Variants in LPIN2 observed in about 807,000 individuals in gnomAD.
LPIN2 encodes the protein lipin 2, also known as phosphatidate phosphatase LPIN2.
Under a neutral mutation model 111.4 loss-of-function variants are expected in LPIN2, and 55 were observed. That is an observed-to-expected ratio of 0.49 (90% CI 0.40 to 0.62). The LOEUF (loss-of-function observed/expected upper bound fraction) is 0.62, where lower values mean the gene tolerates loss of function less well. Ranked by LOEUF, LPIN2 falls within the 20% of genes least tolerant of loss-of-function variation. LPIN2 has a pLI of 0.00. For missense variants in LPIN2, 992 were observed against 1,112.1 expected (o/e 0.89, Z 1.54); for synonymous variants, 425 against 414.0 (o/e 1.03, Z -0.32).
intron 9 of LPIN2, 69 bp downstream of exon 9, chr18:2,931,187 G>GT: frequency 2.0e-6 from 3 of 1,524,344 alleles, no homozygotes; most frequent in South Asian, 1.2e-5. Flanking sequence ...TGGCTACACG[G>GT]TAAGTTTTAA....
At position 2,922,175 on chromosome 18, in the gene LPIN2, G is replaced by A; in HGVS notation, c.2199C>T (p.Cys733=). 1 of 1,614,090 alleles carries A rather than the reference G, an allele frequency of 6.2e-7. No individual in the cohort carries two copies. The highest frequency in any genetic ancestry group is 1.1e-5 in the South Asian group (1 of 91,092). The change falls in exon 17 of 20, where the codon TGC becomes TGT. Residue 733 remains cysteine (C), a synonymous_variant. Coordinates refer to ENST00000677752, the MANE Select transcript of LPIN2 (RefSeq NM_001375808.2). The stretch of plus-strand genomic sequence containing the variant: ...CGGCCATGCCGATGGCACGAGCCGA[G>A]CAGTACAGAAACTTGTAGCCATTCC... ...INENGYKFLY[C]SARAIGMADM... is the part of the protein sequence containing the mutation.
intron 1 of LPIN2, among the ~76,000 whole-genome samples, chr18:3,008,150 C>T (rs183707065): frequency 2.2e-4 from 33 of 152,280 alleles, no homozygotes; most frequent in African/African-American, 5.1e-4. Context: ...AATTTAAAAA[C>T]GGATGCTTAG....
intron 5 of LPIN2, among the ~76,000 whole-genome samples, chr18:2,940,335 A>T (rs545930626): frequency 9.2e-5 from 14 of 152,348 alleles, no homozygotes; most frequent in East Asian, 3.9e-4. Flanking sequence ...CTCTACTAAA[A>T]AGAAAAAGAA....
At chr18:2,951,008 G>A in intron 4 of LPIN2, 47 bp downstream of exon 4, 3 of 1,608,100 alleles carry the variant, frequency 1.9e-6, no homozygotes, top group Non-Finnish European at 2.6e-6. Context: ...GGCTTCACAT[G>A]AACTCTAGGT....
chr18:2,923,661 T>C, intron 16 of LPIN2, 114 bp downstream of exon 16: 3 of 908,898 alleles, frequency 3.3e-6, no homozygotes, highest in Non-Finnish European at 5.5e-6. Context: ...AGAGCGGGAA[T>C]GCTTCAGCAT....
In LPIN2 at chr18:2,922,101, A is replaced by C; in HGVS notation, c.2273T>G (p.Leu758Trp). 6.2e-7 allele frequency: 1 copy of C among 1,614,066 alleles called. No homozygotes were observed. The change falls in exon 17 of 20, where the codon TTG becomes TGG. Residue 758 changes from leucine (L) to tryptophan (W), a missense_variant. Physicochemically the swap from Leu to Trp is moderately conservative, Grantham distance 61. Coordinates refer to ENST00000677752, the MANE Select transcript of LPIN2 (RefSeq NM_001375808.2). ...GGACAGCATCAGGGGGCCCCGGGGC[A>C]AGATTGTGCCCTTGTCATTGACCCA... Reference protein sequence around the residue: ...LHWVNDKGTILPRGPLMLSPS... With the variant: ...LHWVNDKGTIWPRGPLMLSPS...
rs1462901146 is a variant in LPIN2 at position 2,919,115 on chromosome 18, G to C, written c.*1178C>G. 2 of 152,126 alleles carry C rather than the reference G, an allele frequency of 1.3e-5. No homozygotes were observed. Among genetic ancestry groups the C allele is most frequent in the East Asian group, 1.9e-4 (1 of 5,180 alleles). 9.4% of individuals were successfully genotyped at this position (152,126 alleles called of 1,614,324 possible). On this transcript the variant is annotated 3_prime_UTR_variant, in exon 20 of 20. Transcript: ENST00000677752. ...GACACGATGTGAGCTCATTACAACC[G>C]CATCAGTAAATGGAGCTACCATGTA...
At chr18:2,993,098 T>C (rs905233286) in intron 1 of LPIN2, among the ~76,000 whole-genome samples, 19 of 151,490 alleles carry the variant, frequency 1.3e-4, no homozygotes, top group Admixed American at 2.6e-4. Flanking sequence ...TAAGCCATGA[T>C]TGCACCACTG....
chr18:3,005,332 A>C (rs1210365260), intron 1 of LPIN2, among the ~76,000 whole-genome samples: 1 of 151,906 alleles, frequency 6.6e-6, no homozygotes, highest in Admixed American at 6.6e-5. Context: ...TGCCTGGGTG[A>C]CAGAGCAAGA....
chr18:2,942,591 A>G (rs1307342600), intron 4 of LPIN2, among the ~76,000 whole-genome samples: 6 of 152,242 alleles, frequency 3.9e-5, no homozygotes, highest in Non-Finnish European at 7.3e-5. Context: ...TGAAAAAGCG[A>G]TCAGGTACCA....
chr18:2,999,470 T>C (rs8099740), intron 1 of LPIN2, among the ~76,000 whole-genome samples: 139,003 of 152,012 alleles, frequency 0.91, 64,352 homozygotes, highest in East Asian at 1. Context: ...CCGGGCGCGG[T>C]TGCAGGCGCC....
intron 1 of LPIN2, among the ~76,000 whole-genome samples, chr18:2,969,990 A>T (rs1410888261): frequency 3.3e-5 from 5 of 152,204 alleles, no homozygotes; most frequent in Non-Finnish European, 7.3e-5. Context: ...CATTTTAATG[A>T]CAGCTGACCT....
intron 3 of LPIN2, among the ~76,000 whole-genome samples, chr18:2,953,717 C>A (rs549703896): frequency 6.6e-6 from 1 of 152,226 alleles, no homozygotes; most frequent in Non-Finnish European, 1.5e-5. Flanking sequence ...TGATGCTTAT[C>A]AGTTTTGCTA....
intron 10 of LPIN2, 148 bp from the exon 11 acceptor site, chr18:2,928,808 C>A (rs2077173241): frequency 1.4e-6 from 1 of 738,662 alleles, no homozygotes. Flanking sequence ...TTTTTTGTCA[C>A]ATGAATAACC....
chr18:2,996,467 C>CTTTT (rs1179106649), intron 1 of LPIN2, among the ~76,000 whole-genome samples: 3 of 84,996 alleles, frequency 3.5e-5, no homozygotes, highest in African/African-American at 1.4e-4. Flanking sequence ...AGGAAAATAT[C>CTTTT]TTTTTTTTTT....
At chr18:2,930,826 C>T (rs1341890799) in intron 9 of LPIN2, among the ~76,000 whole-genome samples, 1 of 152,172 alleles carries the variant, frequency 6.6e-6, no homozygotes, top group African/African-American at 2.4e-5. Context: ...AGAAAGACCA[C>T]GTACTCAGTG....
Position 2,920,851 on chromosome 18 carries a change from G to T in LPIN2, c.2473C>A (p.Pro825Thr). ...DVYAYTQVGV[P>T]DCRIFTVNPK... ...TTCACGGTGAATATTCTACAGTCTG[G>T]AACTCCAACTTGTGTGTAGGCATAG... The change falls in exon 19 of 20, where the codon CCA becomes ACA. Residue 825 changes from proline (P) to threonine (T), a missense_variant. Coordinates refer to ENST00000677752, the MANE Select transcript of LPIN2 (RefSeq NM_001375808.2). 6.2e-6 allele frequency: 10 copies of T among 1,614,008 alleles called. No individual in the cohort carries two copies. Among genetic ancestry groups the T allele is most frequent in the Non-Finnish European group, 8.5e-6 (10 of 1,179,902 alleles).
chr18:2,994,144 A>G (rs1436150198), intron 1 of LPIN2, among the ~76,000 whole-genome samples: 5 of 152,240 alleles, frequency 3.3e-5, no homozygotes, highest in Non-Finnish European at 7.3e-5. Context: ...GAACTTGCCC[A>G]GTGCCTGTAA....
At chr18:2,944,586 G>A (rs1264801078) in intron 4 of LPIN2, among the ~76,000 whole-genome samples, 4 of 151,972 alleles carry the variant, frequency 2.6e-5, no homozygotes, top group South Asian at 2.1e-4. Context: ...TCCTGACCTC[G>A]TGATCTGCCC....
Sources: allele counts gnomAD v4.1 joint callset (sites outside exome capture counted in the v4.1 genomes callset), GRCh38; gene constraint gnomAD v4.1.1; transcripts MANE v1.5; gene names NCBI Gene and HGNC (gene_info 2026-07-23, HGNC 2026-07-21).